Variants in SH3GL3 observed in about 807,000 individuals in gnomAD.
SH3GL3 encodes the protein endophilin-A3.
Under a neutral mutation model 47.7 loss-of-function variants are expected in SH3GL3, and 33 were observed. That is an observed-to-expected ratio of 0.69 (90% confidence interval 0.52 to 0.92). The LOEUF (loss-of-function observed/expected upper bound fraction) is 0.92. SH3GL3 is among the 40% of genes least tolerant of loss of function. The probability of loss-of-function intolerance (pLI) is 0.00; values close to 1 mark genes in which losing one functional copy is unlikely to be tolerated. For missense variants in SH3GL3, 363 were observed against 417.8 expected (o/e 0.87, Z 1.14); for synonymous variants, 155 against 148.8 (o/e 1.04, Z -0.30).
intron 8 of SH3GL3, among the ~76,000 whole-genome samples, chr15:83,594,729 A>G (rs917863084): frequency 2.0e-5 from 3 of 152,182 alleles, no homozygotes; most frequent in African/African-American, 4.8e-5. Context: ...ATGTCTTTAC[A>G]TGGTTAGACT....
chr15:83,598,612 G>A (rs1303563890), intron 8 of SH3GL3, among the ~76,000 whole-genome samples: 2 of 152,132 alleles, frequency 1.3e-5, no homozygotes, highest in African/African-American at 4.8e-5. Flanking sequence ...TTGCATCTTT[G>A]CTTCTCCCCA....
intron 1 of SH3GL3, among the ~76,000 whole-genome samples, chr15:83,530,798 C>T (rs1420817503): frequency 6.6e-6 from 1 of 151,994 alleles, no homozygotes; most frequent in East Asian, 1.9e-4. Flanking sequence ...TCATCTTTTC[C>T]ATTATTTGTT....
At chr15:83,626,122 G>A in the SH3GL3 span, among the ~76,000 whole-genome samples, 3 of 152,096 alleles carry the variant, frequency 2.0e-5, no homozygotes, top group African/African-American at 4.8e-5. Context: ...ATGAGCTATC[G>A]CACCCAACCA....
At chr15:83,497,235 C>A (rs182890941) in intron 1 of SH3GL3, among the ~76,000 whole-genome samples, 20 of 152,254 alleles carry the variant, frequency 1.3e-4, no homozygotes, top group Middle Eastern at 6.8e-3. Context: ...GCCCCAAGAC[C>A]CCGTGGTAGT....
At chr15:83,461,639 G>C (rs1405838551) in intron 1 of SH3GL3, among the ~76,000 whole-genome samples, 1 of 151,550 alleles carries the variant, frequency 6.6e-6, no homozygotes, top group Non-Finnish European at 1.5e-5. Flanking sequence ...ACATAATTTT[G>C]ATAAAAATTT....
At chr15:83,607,931 A>G (rs1596344642) in intron 8 of SH3GL3, among the ~76,000 whole-genome samples, 1 of 151,706 alleles carries the variant, frequency 6.6e-6, no homozygotes, top group East Asian at 1.9e-4. Flanking sequence ...CCTGGTTGCA[A>G]TAGAGGGGTC....
chr15:83,460,824 C>T lies in SH3GL3; in HGVS notation c.45+13246C>T, dbSNP rs533817320. Among the ~76,000 whole-genome samples the T allele has an allele frequency of 5.9e-5, 9 of 152,270 alleles. No individual in the cohort carries two copies. In the East Asian group the frequency reaches 1.7e-3, roughly 29 times the overall value. ...CACAGGCCGGGTGCGGTGGCTTACA[C>T]CTGTAATCCCAGCACTTTGGGAGGC... On this transcript the variant is annotated intron_variant, in intron 1 of 8. Coordinates refer to ENST00000427482, the MANE Select transcript of SH3GL3 (RefSeq NM_003027.5).
intron 8 of SH3GL3, among the ~76,000 whole-genome samples, chr15:83,600,036 T>C (rs2060339536): frequency 3.6e-5 from 1 of 28,094 alleles, no homozygotes; most frequent in South Asian, 4.8e-4. Flanking sequence ...TTAGATGGGA[T>C]TGTTTGTTTT....
At chr15:83,467,926 G>C (rs956702146) in intron 1 of SH3GL3, among the ~76,000 whole-genome samples, 1 of 152,038 alleles carries the variant, frequency 6.6e-6, no homozygotes, top group Non-Finnish European at 1.5e-5. Context: ...CTCCCGGGTT[G>C]ACGCCATTCT....
chr15:83,579,016 A>C (rs2151787643), intron 6 of SH3GL3, among the ~76,000 whole-genome samples: 1 of 152,306 alleles, frequency 6.6e-6, no homozygotes, highest in South Asian at 2.1e-4. Context: ...GTGCTCCATG[A>C]GGGAAGCCTG....
At chr15:83,526,298 A>G (rs1297102097) in intron 1 of SH3GL3, among the ~76,000 whole-genome samples, 1 of 152,236 alleles carries the variant, frequency 6.6e-6, no homozygotes, top group Non-Finnish European at 1.5e-5. Context: ...CATTTGGCCC[A>G]GCAATCCCAT....
At chr15:83,599,577 T>G (rs1450305074) in intron 8 of SH3GL3, among the ~76,000 whole-genome samples, 1 of 152,222 alleles carries the variant, frequency 6.6e-6, no homozygotes, top group East Asian at 1.9e-4. Context: ...TATACCACAG[T>G]TTTTTTATCC....
At chr15:83,603,508 G>A (rs762546417) in intron 8 of SH3GL3, among the ~76,000 whole-genome samples, 26 of 152,126 alleles carry the variant, frequency 1.7e-4, no homozygotes, top group African/African-American at 3.4e-4. Context: ...CTTTCGTTGC[G>A]TCTTTGCCAC....
chr15:83,500,325 T>C (rs2042242752), intron 1 of SH3GL3, among the ~76,000 whole-genome samples: 1 of 152,198 alleles, frequency 6.6e-6, no homozygotes, highest in Non-Finnish European at 1.5e-5. Flanking sequence ...ATAAGATATA[T>C]TGATAGTAAT....
chr15:83,536,548 A>T (rs1192829585), intron 1 of SH3GL3, among the ~76,000 whole-genome samples: 3 of 151,374 alleles, frequency 2.0e-5, no homozygotes, highest in Admixed American at 6.6e-5. Flanking sequence ...AATTACAGGG[A>T]TGTGCCACCA....
chr15:83,568,661 A>C lies in SH3GL3; in HGVS notation c.320A>C (p.Asp107Ala). The stretch of plus-strand genomic sequence containing the variant: ...AAATACGGGAAGGAGCTCGGGGAAG[A>C]CTCCACCTTTGGTGAGTTATTCAGA... Reference protein sequence around the residue: ...MLKYGKELGEDSTFGNALIEV... With the variant: ...MLKYGKELGEASTFGNALIEV... Residue 107 changes from aspartate (D) to alanine (A), a missense_variant, in exon 4 of 9, where the codon GAC becomes GCC. Physicochemically the swap from Asp to Ala is moderately radical, Grantham distance 126. Transcript: ENST00000427482. The C allele has an allele frequency of 1.2e-6, 2 of 1,613,164 alleles. No individual in the cohort carries two copies. Among genetic ancestry groups the C allele is most frequent in the Non-Finnish European group, 1.7e-6 (2 of 1,179,588 alleles).
chr15:83,523,293 C>A (rs1335128728), intron 1 of SH3GL3, among the ~76,000 whole-genome samples: 2 of 152,044 alleles, frequency 1.3e-5, no homozygotes, highest in Non-Finnish European at 2.9e-5. Flanking sequence ...CTAAAATGAC[C>A]CTGTGGAAAC....
In SH3GL3 at chr15:83,568,670, T is replaced by C. The variant is rs762672692; in HGVS notation, c.329T>C (p.Phe110Ser). ...YGKELGEDST[F>S]GNALIEVGES... ...AAGGAGCTCGGGGAAGACTCCACCT[T>C]TGGTGAGTTATTCAGAGATCAGCTG... The change falls in exon 4 of 9, where the codon TTT becomes TCT. Residue 110 changes from phenylalanine (F) to serine (S), a missense_variant and splice_region_variant. Transcript: ENST00000427482. 2.5e-6 allele frequency: 4 copies of C among 1,613,092 alleles called. No homozygotes were observed. The African/African-American group carries it at 5.3e-5, about 22-fold the overall frequency.
intron 1 of SH3GL3, among the ~76,000 whole-genome samples, chr15:83,490,317 A>G (rs976143622): frequency 7.1e-6 from 1 of 141,556 alleles, no homozygotes; most frequent in Non-Finnish European, 1.5e-5. Context: ...TTTTGCTCTT[A>G]CACACTGCAT....
Sources: gnomAD v4.1 joint callset for allele counts (sites outside exome capture counted in the v4.1 genomes callset) on GRCh38, gnomAD v4.1.1 for gene constraint, MANE v1.5 for transcripts, NCBI Gene and HGNC (gene_info 2026-07-23, HGNC 2026-07-21) for gene names.